ITPKC: variants seen among roughly 807,000 people sequenced by gnomAD.
The protein encoded by ITPKC is IP3 3-kinase C.
A neutral mutation model predicts 67.1 loss-of-function variants in ITPKC; 33 were observed. The observed-to-expected ratio is 0.49, with a 90% CI of 0.37 to 0.66. The LOEUF (loss-of-function observed/expected upper bound fraction) is 0.66, where lower values mean the gene tolerates loss of function less well. ITPKC is among the 30% of genes least tolerant of loss of function. The probability of loss-of-function intolerance (pLI) is 0.00; values close to 1 mark genes in which losing one functional copy is unlikely to be tolerated. For synonymous variants in ITPKC, 341 were observed against 359.8 expected, an observed-to-expected ratio of 0.95 and a Z score of 0.59; for missense variants, 820 against 892.1, an observed-to-expected ratio of 0.92 and a Z score of 1.03.
intron 1 of ITPKC, among the ~76,000 whole-genome samples, chr19:40,724,684 T>A (rs776467305): frequency 6.6e-6 from 1 of 152,066 alleles, no homozygotes; most frequent in Non-Finnish European, 1.5e-5. Flanking sequence ...CATAATGGCT[T>A]ATGCCTGAAA....
intron 3 of ITPKC, 123 bp from the exon 4 acceptor site, chr19:40,733,037 T>C (rs1396862388): frequency 6.7e-6 from 5 of 746,074 alleles, no homozygotes; most frequent in African/African-American, 1.7e-5. Flanking sequence ...GACTCTGTTG[T>C]ATTCTGTGCA....
intron 1 of ITPKC, among the ~76,000 whole-genome samples, chr19:40,723,448 CT>C (rs2082231741): frequency 6.6e-6 from 1 of 151,784 alleles, no homozygotes; most frequent in Admixed American, 6.6e-5. Context: ...TCATCTTTTT[CT>C]TTTCATCATT....
intron 2 of ITPKC, 68 bp downstream of exon 2, chr19:40,725,507 A>G: frequency 9.3e-7 from 1 of 1,077,736 alleles, no homozygotes; most frequent in Non-Finnish European, 1.4e-6. Flanking sequence ...TGTTCTCTGT[A>G]GTTTAGTTCC....
chr19:40,725,790 A>G (rs2082244026), intron 2 of ITPKC, among the ~76,000 whole-genome samples: 1 of 152,208 alleles, frequency 6.6e-6, no homozygotes, highest in African/African-American at 2.4e-5. Flanking sequence ...GATTAACCGA[A>G]GAGTTAAAAT....
chr19:40,736,540 G>A (rs1055671934), intron 4 of ITPKC, among the ~76,000 whole-genome samples: 3 of 151,982 alleles, frequency 2.0e-5, no homozygotes, highest in African/African-American at 4.8e-5. Context: ...GTCTTGTTCT[G>A]TCACCCAGGC....
Position 40,739,417 on chromosome 19 carries a change from A to G in ITPKC, c.1909A>G (p.Ile637Val). The change falls in exon 7 of 7, where the codon ATA becomes GTA. Residue 637 changes from isoleucine to valine, a missense_variant. By Grantham distance (29) the Ile-to-Val change is conservative. Transcript: ENST00000263370. ...DHTGLAKVWM[I>V]DFGKTVALPD... ...CACCGGCCTGGCCAAGGTCTGGATG[A>G]TAGACTTCGGCAAGACGGTGGCCTT... 1 of 1,613,702 alleles carries G rather than the reference A, an allele frequency of 6.2e-7. No homozygotes were observed. The highest frequency in any genetic ancestry group is 8.5e-7 in the Non-Finnish European group (1 of 1,180,028).
chr19:40,728,817 CAGG>C (rs1240868514), intron 2 of ITPKC, among the ~76,000 whole-genome samples: 1 of 151,958 alleles, frequency 6.6e-6, no homozygotes, highest in African/African-American at 2.4e-5. Context: ...CATCTGAGGT[CAGG>C]AGTTCAAGAC....
In ITPKC at chr19:40,737,063, C is replaced by T. The variant is rs374509832; in HGVS notation, c.1752C>T (p.Phe584=). The T allele has an allele frequency of 1.8e-5, 28 of 1,584,038 alleles. No individual in the cohort carries two copies. The highest frequency in any genetic ancestry group is 1.7e-4 in the Middle Eastern group (1 of 6,040). ...AGGTGACAAAAGTGCTGGAGGACTTCGTGGATGGAGACCACGTCATCCTGG... is the reference window on the plus strand; with the variant it reads ...AGGTGACAAAAGTGCTGGAGGACTTTGTGGATGGAGACCACGTCATCCTGG... ...LEQVTKVLED[F]VDGDHVILQK... Residue 584 remains phenylalanine, a synonymous_variant, in exon 5 of 7, where the codon TTC becomes TTT. Coordinates refer to ENST00000263370, the MANE Select transcript of ITPKC (RefSeq NM_025194.3).
intron 1 of ITPKC, among the ~76,000 whole-genome samples, chr19:40,720,564 GT>G (rs1254991756): frequency 6.6e-6 from 1 of 151,804 alleles, no homozygotes; most frequent in Non-Finnish European, 1.5e-5. Flanking sequence ...CCTATCTCCA[GT>G]TTTTTTCTCA....
chr19:40,733,103 G>A (rs1410110599), intron 3 of ITPKC, 57 bp from the exon 4 acceptor site: 1 of 1,489,710 alleles, frequency 6.7e-7, no homozygotes, highest in African/African-American at 1.4e-5. Context: ...ATCAGGAAGG[G>A]TAAGCCCTCC....
intron 4 of ITPKC, 22 bp downstream of exon 4, chr19:40,733,386 G>T (rs775523204): frequency 3.8e-6 from 6 of 1,587,360 alleles, no homozygotes; most frequent in South Asian, 2.3e-5. Flanking sequence ...GAACCGCCTG[G>T]CCTGTCCCGG....
At position 40,727,117 on chromosome 19, in the gene ITPKC, G is replaced by A. The variant is rs953429235; in HGVS notation, c.1255+1678G>A. Among the ~76,000 whole-genome samples, 12 of 152,166 alleles carry A rather than the reference G, an allele frequency of 7.9e-5. No individual in the cohort carries two copies. The East Asian group carries it at 1.2e-3, about 15-fold the overall frequency. On this transcript the variant is annotated intron_variant, in intron 2 of 6. Transcript: ENST00000263370. ...TGGGAGGCCAAGGCAGGCGGATCAC[G>A]AGGTCAGGAGATCGAGACCATCCTG...
At chr19:40,721,355 G>A (rs1053306888) in intron 1 of ITPKC, among the ~76,000 whole-genome samples, 5 of 151,616 alleles carry the variant, frequency 3.3e-5, no homozygotes, top group Admixed American at 6.6e-5. Context: ...TAAACCATTG[G>A]ATCTAACTTT....
chr19:40,728,857 G>A (rs1370076245), intron 2 of ITPKC, among the ~76,000 whole-genome samples: 1 of 151,992 alleles, frequency 6.6e-6, no homozygotes, highest in African/African-American at 2.4e-5. Context: ...GTGAAACCCT[G>A]TCTCTACTAA....
At position 40,717,671 on chromosome 19, in the gene ITPKC, A is replaced by G. The variant is rs151059025; in HGVS notation, c.536A>G (p.His179Arg). The part of the protein sequence containing the change: ...VHGPWTELET[H>R]GSQTQPERVK... ...GGGCCCTGGACAGAGCTGGAAACGCATGGGTCACAGACTCAGCCAGAGAGG... is the reference window on the plus strand; with the variant it reads ...GGGCCCTGGACAGAGCTGGAAACGCGTGGGTCACAGACTCAGCCAGAGAGG... Residue 179 changes from histidine (H) to arginine (R), a missense_variant, in exon 1 of 7, where the codon CAT becomes CGT. This residue lies in a region of ITPKC where 481 missense variants were observed against 470.1 expected (regional missense o/e 1.02). Coordinates refer to ENST00000263370, the MANE Select transcript of ITPKC (RefSeq NM_025194.3). 9.0e-5 allele frequency: 146 copies of G among 1,613,972 alleles called. No individual in the cohort carries two copies. Among genetic ancestry groups the G allele is most frequent in the Middle Eastern group, 3.3e-4 (2 of 6,080 alleles).
chr19:40,734,559 T>C lies in ITPKC; in HGVS notation c.1674+1195T>C, dbSNP rs563428982. Among the ~76,000 whole-genome samples, 6 of 152,096 alleles carry C rather than the reference T, an allele frequency of 3.9e-5. No homozygotes were observed. In the East Asian group the frequency reaches 1.2e-3, roughly 29 times the overall value. On this transcript the variant is annotated intron_variant, in intron 4 of 6. Coordinates refer to ENST00000263370, the MANE Select transcript of ITPKC (RefSeq NM_025194.3). Reference sequence around the variant, plus strand: ...GCTCCCTAGTACCTTGAAGTGAAGTTCCATAGCCTGTAGGGCCCTCTAGGA... The same window carrying C: ...GCTCCCTAGTACCTTGAAGTGAAGTCCCATAGCCTGTAGGGCCCTCTAGGA...
chr19:40,734,829 AGAG>A (rs1365617480), intron 4 of ITPKC, among the ~76,000 whole-genome samples: 1 of 141,420 alleles, frequency 7.1e-6, no homozygotes, highest in Non-Finnish European at 1.5e-5. Flanking sequence ...TGCCCAGGCT[AGAG>A]TGCAGTAGTA....
At position 40,739,570 on chromosome 19, in the gene ITPKC, C is replaced by A; in HGVS notation, c.*10C>A. ...GCTGGCACAGAGCTGAGCTGCTCAG[C>A]CACCATCAGGTTAATTGGATGGCGC... On this transcript the variant is annotated 3_prime_UTR_variant, in exon 7 of 7. Coordinates refer to ENST00000263370, the MANE Select transcript of ITPKC (RefSeq NM_025194.3). 1 of 1,609,398 alleles carries A rather than the reference C, an allele frequency of 6.2e-7. No individual in the cohort carries two copies. The highest frequency in any genetic ancestry group is 8.5e-7 in the Non-Finnish European group (1 of 1,177,750).
At chr19:40,732,326 C>T (rs558741076) in intron 3 of ITPKC, among the ~76,000 whole-genome samples, 2 of 150,052 alleles carry the variant, frequency 1.3e-5, no homozygotes, top group East Asian at 3.9e-4. Flanking sequence ...GTCAGGAGTT[C>T]GAGACCAGCC....
Sources: gnomAD v4.1 joint callset for allele counts (sites outside exome capture counted in the v4.1 genomes callset) on GRCh38, gnomAD v4.1.1 for gene constraint, gnomAD v4.1.1 regional missense constraint, MANE v1.5 for transcripts, NCBI Gene and HGNC (gene_info 2026-07-23, HGNC 2026-07-21) for gene names.